KLF12: variants seen among roughly 807,000 people sequenced by gnomAD.
The protein encoded by KLF12 is Krueppel-like factor 12.
In KLF12, 9 loss-of-function variants were observed where a neutral mutation model predicts 37.8. That is an observed-to-expected ratio of 0.24 (90% CI 0.14 to 0.42). The LOEUF is 0.42. Ranked by LOEUF, KLF12 falls within the 10% of genes least tolerant of loss-of-function variation. KLF12 has a pLI of 1.00. For missense variants in KLF12, 411 were observed against 516.0 expected (o/e 0.80, Z 1.97); for synonymous variants, 208 against 202.1 (o/e 1.03, Z -0.25).
intron 1 of KLF12, among the ~76,000 whole-genome samples, chr13:74,120,641 T>C (rs1027829119): frequency 1.3e-5 from 2 of 152,044 alleles, no homozygotes; most frequent in African/African-American, 4.8e-5. Flanking sequence ...TTGTCTGATA[T>C]TGAATCTGTA....
At chr13:73,743,811 C>T (rs1195791304) in intron 6 of KLF12, among the ~76,000 whole-genome samples, 2 of 151,958 alleles carry the variant, frequency 1.3e-5, no homozygotes, top group Non-Finnish European at 2.9e-5. Flanking sequence ...GTGAGAAGAA[C>T]CAAAGTTGTG....
At chr13:73,922,948 A>G (rs1321392242) in intron 3 of KLF12, among the ~76,000 whole-genome samples, 1 of 152,148 alleles carries the variant, frequency 6.6e-6, no homozygotes. Context: ...CAGCCCTGCC[A>G]TCAGACCTTC....
rs1351493902 is a variant in KLF12, at chr13:73,688,843, AC to A, written c.*6646del. ...CTGGGAAGGTGGTTTCGGGACACCC[AC>A]GTGCAGTGTGGTGGAGTGGGAAAGA... On this transcript the variant is annotated 3_prime_UTR_variant, in exon 8 of 8. Transcript: ENST00000377669. 6.6e-6 allele frequency: 1 copy of A among 152,130 alleles called. No homozygotes were observed. Among genetic ancestry groups the A allele is most frequent in the Non-Finnish European group, 1.5e-5 (1 of 68,034 alleles). 9.4% of individuals were successfully genotyped at this position (152,130 alleles called of 1,614,324 possible). A position where few individuals can be genotyped will look rare whatever the true frequency, so the allele number is the denominator to read the frequency against.
chr13:74,001,004 T>C (rs1320810784), intron 1 of KLF12, among the ~76,000 whole-genome samples: 1 of 152,238 alleles, frequency 6.6e-6, no homozygotes, highest in Non-Finnish European at 1.5e-5. Context: ...TCTTTGTATG[T>C]CTAATTTATG....
At chr13:73,783,330 T>TG (rs1052231605) in intron 5 of KLF12, among the ~76,000 whole-genome samples, 14 of 151,472 alleles carry the variant, frequency 9.2e-5, no homozygotes, top group Admixed American at 8.6e-4. Flanking sequence ...GGGAAGGGAG[T>TG]GGGTAGAGGG....
the KLF12 span, among the ~76,000 whole-genome samples, chr13:74,149,173 ATAGACT>A: frequency 2.6e-5 from 4 of 152,188 alleles, no homozygotes; most frequent in South Asian, 2.1e-4. Flanking sequence ...ATCAGTCTTG[ATAGACT>A]TAGAGGTCAT....
At chr13:73,995,674 A>C (rs1016601140) in intron 1 of KLF12, among the ~76,000 whole-genome samples, 4 of 152,208 alleles carry the variant, frequency 2.6e-5, no homozygotes, top group African/African-American at 9.6e-5. Flanking sequence ...TTAAATATTT[A>C]TGTGGTTTCT....
rs181952769 is a variant in KLF12 at position 74,079,935 on chromosome 13, A to T, written c.-32+53804T>A. On this transcript the variant is annotated intron_variant, in intron 1 of 7. Transcript: ENST00000377669. ...CCTTGCTACCCACATTCACATCAGC[A>T]TTATTCCCATTAGCCAAGAGGTGGA... Among the ~76,000 whole-genome samples, 42 of 152,320 alleles carry T rather than the reference A, an allele frequency of 2.8e-4. 1 individual carries two copies. The highest frequency in any genetic ancestry group is 1.0e-3 in the African/African-American group (42 of 41,566).
At chr13:73,842,581 G>A (rs911361675) in intron 4 of KLF12, among the ~76,000 whole-genome samples, 1 of 152,206 alleles carries the variant, frequency 6.6e-6, no homozygotes, top group African/African-American at 2.4e-5. Flanking sequence ...AGTCCTTCAC[G>A]TAATGTGACA....
At chr13:74,059,711 TC>T (rs1873461810) in intron 1 of KLF12, among the ~76,000 whole-genome samples, 1 of 152,242 alleles carries the variant, frequency 6.6e-6, no homozygotes, top group African/African-American at 2.4e-5. Flanking sequence ...GCAAATGTTT[TC>T]TCCCATTCTG....
intron 3 of KLF12, among the ~76,000 whole-genome samples, chr13:73,847,465 A>C (rs953736316): frequency 6.6e-6 from 1 of 152,156 alleles, no homozygotes; most frequent in African/African-American, 2.4e-5. Flanking sequence ...GCATACATTT[A>C]AAGGAATGAA....
Position 73,844,420 on chromosome 13 carries a change from C to T in KLF12, c.670+1407G>A, listed in dbSNP as rs568982535. ...TTCCTCTTCTTCCTCTACGTTTTCA[C>T]TAGAGAATAGTGGGACTAGCTCCTG... On this transcript the variant is annotated intron_variant, in intron 4 of 7. Coordinates refer to ENST00000377669, the MANE Select transcript of KLF12 (RefSeq NM_007249.5). Among the ~76,000 whole-genome samples the T allele has an allele frequency of 2.6e-5, 4 of 152,276 alleles. No homozygotes were observed. In the South Asian group the frequency reaches 8.3e-4, roughly 32 times the overall value.
chr13:74,119,844 C>T lies in KLF12; in HGVS notation c.-32+13895G>A, dbSNP rs1877521472. On this transcript the variant is annotated intron_variant, in intron 1 of 7. Coordinates refer to ENST00000377669, the MANE Select transcript of KLF12 (RefSeq NM_007249.5). Reference sequence around the variant, plus strand: ...AAAACTAAGAAAAACAATAAAGCAGCTTAGAGAATCCAACACATGATAATT... The same window carrying T: ...AAAACTAAGAAAAACAATAAAGCAGTTTAGAGAATCCAACACATGATAATT... Among the ~76,000 whole-genome samples the T allele has an allele frequency of 3.9e-5, 6 of 152,026 alleles. No individual in the cohort carries two copies. The South Asian group carries it at 1.2e-3, about 32-fold the overall frequency.
At chr13:74,242,917 A>G in the KLF12 span, among the ~76,000 whole-genome samples, 1 of 152,142 alleles carries the variant, frequency 6.6e-6, no homozygotes, top group Admixed American at 6.5e-5. Context: ...GCCCTGATGA[A>G]TCTTCATTTG....
intron 3 of KLF12, among the ~76,000 whole-genome samples, chr13:73,938,657 C>T (rs1003471204): frequency 3.9e-5 from 6 of 152,194 alleles, no homozygotes; most frequent in African/African-American, 1.4e-4. Flanking sequence ...TGATGCTAGT[C>T]AGCTCTTGGT....
At chr13:73,997,368 C>T (rs1892149856) in intron 1 of KLF12, among the ~76,000 whole-genome samples, 1 of 152,166 alleles carries the variant, frequency 6.6e-6, no homozygotes, top group South Asian at 2.1e-4. Flanking sequence ...CTTGCCTACT[C>T]TAATTGCAGT....
intron 1 of KLF12, among the ~76,000 whole-genome samples, chr13:74,084,823 CA>C (rs11299513): frequency 0.62 from 91,954 of 149,118 alleles, 28,228 homozygotes; most frequent in East Asian, 0.87. Flanking sequence ...ACAAAGGAGC[CA>C]AAAAAAAAAG....
At chr13:74,102,236 A>G (rs1876395346) in intron 1 of KLF12, among the ~76,000 whole-genome samples, 1 of 151,604 alleles carries the variant, frequency 6.6e-6, no homozygotes, top group South Asian at 2.1e-4. Flanking sequence ...GAAAAAAAAA[A>G]AAAGAATATG....
At chr13:74,103,433 G>C (rs904611670) in intron 1 of KLF12, among the ~76,000 whole-genome samples, 14 of 152,168 alleles carry the variant, frequency 9.2e-5, no homozygotes, top group African/African-American at 3.4e-4. Flanking sequence ...GTGCAGCACG[G>C]AAAATGCCCT....
Sources: gnomAD v4.1 joint callset for allele counts (sites outside exome capture counted in the v4.1 genomes callset) on GRCh38, gnomAD v4.1.1 for gene constraint, MANE v1.5 for transcripts, NCBI Gene and HGNC (gene_info 2026-07-23, HGNC 2026-07-21) for gene names.